Variants in KIF6 observed in about 807,000 individuals in gnomAD.
KIF6 encodes kinesin family member 6.
A neutral mutation model predicts 112.7 loss-of-function variants in KIF6; 106 were observed. The observed-to-expected ratio is 0.94, with a 90% CI of 0.80 to 1.11. The LOEUF is 1.11. KIF6 is among the 50% of genes least tolerant of loss of function. The probability of loss-of-function intolerance (pLI) is 0.00; values close to 1 mark genes in which losing one functional copy is unlikely to be tolerated. For missense variants in KIF6, 929 were observed against 964.0 expected (o/e 0.96, Z 0.48); for synonymous variants, 339 against 339.9 (o/e 1.00, Z 0.03).
intron 6 of KIF6, among the ~76,000 whole-genome samples, chr6:39,609,883 T>C (rs1009701610): frequency 6.6e-6 from 1 of 152,210 alleles, no homozygotes; most frequent in Non-Finnish European, 1.5e-5. Flanking sequence ...GAAGAGATTC[T>C]GAATCCATCA....
At chr6:39,504,223 A>G (rs1776307676) in intron 13 of KIF6, among the ~76,000 whole-genome samples, 1 of 152,242 alleles carries the variant, frequency 6.6e-6, no homozygotes, top group Non-Finnish European at 1.5e-5. Context: ...AATAAATGTG[A>G]TTCATCAAAT....
intron 3 of KIF6, among the ~76,000 whole-genome samples, chr6:39,710,234 G>GCAC (rs1789460779): frequency 6.6e-6 from 1 of 152,010 alleles, no homozygotes; most frequent in African/African-American, 2.4e-5. Context: ...GAGGAAAGAG[G>GCAC]GCCTCACGCC....
At chr6:39,395,776 G>T (rs1314682203) in intron 15 of KIF6, among the ~76,000 whole-genome samples, 4 of 152,134 alleles carry the variant, frequency 2.6e-5, no homozygotes, top group Non-Finnish European at 5.9e-5. Flanking sequence ...GCTCCTACTT[G>T]CACTGGAGGC....
intron 16 of KIF6, among the ~76,000 whole-genome samples, chr6:39,370,050 T>C (rs1220963719): frequency 6.6e-6 from 1 of 152,218 alleles, no homozygotes; most frequent in Non-Finnish European, 1.5e-5. Context: ...CTCTCCTCCA[T>C]TGGAAGTGTG....
intron 6 of KIF6, among the ~76,000 whole-genome samples, chr6:39,605,810 C>A (rs73424566): frequency 0.014 from 2,096 of 152,164 alleles, 48 homozygotes; most frequent in African/African-American, 0.048. Context: ...TGACTAGATG[C>A]CCTTAAGTCT....
intron 16 of KIF6, among the ~76,000 whole-genome samples, chr6:39,373,380 C>T (rs1405710762): frequency 2.0e-5 from 3 of 152,120 alleles, no homozygotes; most frequent in South Asian, 4.1e-4. Context: ...GCCTTCAATG[C>T]TGCTGGTGGC....
chr6:39,614,219 T>C (rs531144680), intron 5 of KIF6, among the ~76,000 whole-genome samples: 57 of 152,332 alleles, frequency 3.7e-4, no homozygotes, highest in African/African-American at 1.2e-3. Flanking sequence ...TTTCTACCTC[T>C]TAAATTTTGC....
intron 13 of KIF6, among the ~76,000 whole-genome samples, chr6:39,488,424 C>T (rs542204744): frequency 6.6e-6 from 1 of 152,254 alleles, no homozygotes; most frequent in East Asian, 1.9e-4. Context: ...TCTGCTTTGC[C>T]CCACTGGTTG....
intron 5 of KIF6, among the ~76,000 whole-genome samples, chr6:39,628,959 T>G: frequency 6.6e-6 from 1 of 152,184 alleles, no homozygotes; most frequent in East Asian, 1.9e-4. Context: ...ACTTTTGCAC[T>G]TAGCAATATG....
chr6:39,401,330 C>G (rs1325900391), intron 15 of KIF6, among the ~76,000 whole-genome samples: 1 of 152,160 alleles, frequency 6.6e-6, no homozygotes, highest in Non-Finnish European at 1.5e-5. Flanking sequence ...CCCCATACCC[C>G]CTATCTTAGT....
At chr6:39,628,877 C>T (rs1054588733) in intron 5 of KIF6, among the ~76,000 whole-genome samples, 1 of 152,102 alleles carries the variant, frequency 6.6e-6, no homozygotes, top group Non-Finnish European at 1.5e-5. Context: ...GATCATTTCA[C>T]TGTCTCTATA....
intron 15 of KIF6, among the ~76,000 whole-genome samples, chr6:39,389,528 A>G (rs1767697566): frequency 6.6e-6 from 1 of 152,172 alleles, no homozygotes; most frequent in Admixed American, 6.5e-5. Context: ...AGTGCAGTAC[A>G]GGGATCAGCA....
intron 5 of KIF6, among the ~76,000 whole-genome samples, chr6:39,626,397 G>A (rs904454739): frequency 6.6e-6 from 1 of 152,040 alleles, no homozygotes; most frequent in Non-Finnish European, 1.5e-5. Flanking sequence ...TGCTTCAGGT[G>A]GAATACTGGG....
intron 13 of KIF6, among the ~76,000 whole-genome samples, chr6:39,466,543 T>C (rs1773795137): frequency 6.6e-6 from 1 of 151,946 alleles, no homozygotes; most frequent in Non-Finnish European, 1.5e-5. Flanking sequence ...GTAAGAAGAG[T>C]AAGAGTCCAT....
intron 13 of KIF6, among the ~76,000 whole-genome samples, chr6:39,506,595 G>T (rs1286732427): frequency 3.3e-5 from 5 of 152,096 alleles, no homozygotes; most frequent in Non-Finnish European, 7.4e-5. Flanking sequence ...AAAACCCTCG[G>T]AATTTCCTGA....
chr6:39,541,719 T>A (rs1315844892), intron 12 of KIF6, among the ~76,000 whole-genome samples: 2 of 151,942 alleles, frequency 1.3e-5, no homozygotes, highest in African/African-American at 4.8e-5. Flanking sequence ...CTGAAGAAGG[T>A]CAAGGGTGAC....
chr6:39,609,029 C>T (rs1783048396), intron 6 of KIF6, among the ~76,000 whole-genome samples: 1 of 152,102 alleles, frequency 6.6e-6, no homozygotes, highest in African/African-American at 2.4e-5. Flanking sequence ...ATTATTATGC[C>T]CATTTTACAG....
intron 10 of KIF6, among the ~76,000 whole-genome samples, chr6:39,563,191 G>A (rs1156620239): frequency 6.6e-6 from 1 of 152,122 alleles, no homozygotes; most frequent in East Asian, 1.9e-4. Flanking sequence ...CAGTGAGATC[G>A]CGCCACTGCA....
chr6:39,707,671 T>G (rs1209086846), intron 3 of KIF6, among the ~76,000 whole-genome samples: 1 of 152,234 alleles, frequency 6.6e-6, no homozygotes, highest in African/African-American at 2.4e-5. Context: ...CTACTCTATC[T>G]TGGTCTGGAA....
Sources: allele counts gnomAD v4.1 joint callset (sites outside exome capture counted in the v4.1 genomes callset), GRCh38; gene constraint gnomAD v4.1.1; transcripts MANE v1.5; gene names NCBI Gene and HGNC (gene_info 2026-07-23, HGNC 2026-07-21).